SLIT3: variants seen among roughly 807,000 people sequenced by gnomAD.
The protein encoded by SLIT3 is slit guidance ligand 3.
A neutral mutation model predicts 184.0 loss-of-function variants in SLIT3; 68 were observed. That is an observed-to-expected ratio of 0.37 (90% CI 0.30 to 0.45). The LOEUF (loss-of-function observed/expected upper bound fraction) is 0.45. Ranked by LOEUF, SLIT3 falls within the 20% of genes least tolerant of loss-of-function variation. The pLI is 1.00. For missense variants in SLIT3, 1,707 were observed against 2,026.0 expected, an observed-to-expected ratio of 0.84 and a Z score of 3.02; for synonymous variants, 831 against 828.6, an observed-to-expected ratio of 1.00 and a Z score of -0.05.
intron 4 of SLIT3, among the ~76,000 whole-genome samples, chr5:168,963,610 T>A (rs1159075537): frequency 1.3e-5 from 2 of 152,248 alleles, no homozygotes; most frequent in African/African-American, 4.8e-5. Context: ...GACCCCTGGA[T>A]TAGACTGTCA....
chr5:168,698,419 A>C (rs1178314122), intron 27 of SLIT3, among the ~76,000 whole-genome samples: 1 of 152,156 alleles, frequency 6.6e-6, no homozygotes, highest in Non-Finnish European at 1.5e-5. Context: ...ACTGGTGACT[A>C]TGCAGGCAGA....
chr5:168,692,827 C>T (rs1355724147), intron 28 of SLIT3, 127 bp from the exon 29 acceptor site: 1 of 650,274 alleles, frequency 1.5e-6, no homozygotes, highest in Non-Finnish European at 2.7e-6. Flanking sequence ...GTCAGGTGGG[C>T]ATGGACGTCA....
chr5:169,046,051 C>T (rs17734581), intron 4 of SLIT3, among the ~76,000 whole-genome samples: 5 of 151,982 alleles, frequency 3.3e-5, no homozygotes, highest in Non-Finnish European at 7.4e-5. Context: ...ACAGACTGAA[C>T]AGGGAAGCCA....
At chr5:168,762,025 C>A (rs1456216527) in intron 15 of SLIT3, among the ~76,000 whole-genome samples, 5 of 150,828 alleles carry the variant, frequency 3.3e-5, no homozygotes, top group Admixed American at 3.3e-4. Context: ...CTCCCCCTGG[C>A]CTCCCAAAGT....
At chr5:168,907,863 T>A (rs1321467577) in intron 4 of SLIT3, among the ~76,000 whole-genome samples, 2 of 148,220 alleles carry the variant, frequency 1.3e-5, no homozygotes, top group Non-Finnish European at 3.0e-5. Context: ...TATATCTATA[T>A]CTATAGATAC....
At chr5:169,157,736 G>A (rs908167654) in intron 4 of SLIT3, among the ~76,000 whole-genome samples, 13 of 152,112 alleles carry the variant, frequency 8.5e-5, no homozygotes, top group Admixed American at 5.9e-4. Context: ...CCACTGATTT[G>A]GATTTTAAAA....
intron 15 of SLIT3, among the ~76,000 whole-genome samples, 155 bp downstream of exon 15, chr5:168,762,384 G>A (rs1755187568): frequency 6.6e-6 from 1 of 152,160 alleles, no homozygotes; most frequent in Admixed American, 6.5e-5. Flanking sequence ...GGAGATGCCT[G>A]GGTATCTACC....
intron 4 of SLIT3, among the ~76,000 whole-genome samples, chr5:168,982,280 CA>C (rs1456088997): frequency 1.3e-5 from 2 of 152,132 alleles, no homozygotes; most frequent in African/African-American, 4.8e-5. Flanking sequence ...AATACATTAA[CA>C]GGTTATCATA....
intron 4 of SLIT3, among the ~76,000 whole-genome samples, chr5:169,174,608 G>A (rs1762916695): frequency 6.6e-6 from 1 of 152,176 alleles, no homozygotes; most frequent in African/African-American, 2.4e-5. Flanking sequence ...AATTGAGGAT[G>A]CTGGAGAAAG....
In SLIT3 at chr5:169,173,026, C is replaced by T. The variant is rs900317355; in HGVS notation, c.413+20453G>A. Among the ~76,000 whole-genome samples, 29 of 152,202 alleles carry T rather than the reference C, an allele frequency of 1.9e-4. No individual in the cohort carries two copies. The East Asian group carries it at 3.7e-3, about 19-fold the overall frequency. The stretch of plus-strand genomic sequence containing the variant: ...CCTGTAATCCCAGCACTTTGAAAGG[C>T]GCAGAGGGGTGGATACCTTGAGGTC... On this transcript the variant is annotated intron_variant, in intron 4 of 35. Transcript: ENST00000519560.
intron 6 of SLIT3, among the ~76,000 whole-genome samples, chr5:168,837,612 G>A (rs1304702752): frequency 1.3e-5 from 2 of 152,184 alleles, no homozygotes; most frequent in Non-Finnish European, 2.9e-5. Flanking sequence ...GGTGTTGTGG[G>A]CTTCAATTCA....
chr5:168,692,533 A>C, intron 29 of SLIT3, 74 bp downstream of exon 29: 1 of 927,188 alleles, frequency 1.1e-6, no homozygotes. Flanking sequence ...GAGACCAGAG[A>C]CTGCCTAAAA....
chr5:169,161,474 G>A (rs533066010), intron 4 of SLIT3, among the ~76,000 whole-genome samples: 5 of 152,078 alleles, frequency 3.3e-5, no homozygotes, highest in African/African-American at 9.7e-5. Flanking sequence ...TTACTGACCC[G>A]CATCCTGCCG....
chr5:169,045,097 A>C (rs1757583627), intron 4 of SLIT3, among the ~76,000 whole-genome samples: 1 of 152,202 alleles, frequency 6.6e-6, no homozygotes, highest in Non-Finnish European at 1.5e-5. Context: ...ATTCAGCAGC[A>C]GTGGGGGATT....
intron 4 of SLIT3, among the ~76,000 whole-genome samples, chr5:169,101,846 G>A (rs182812988): frequency 3.0e-4 from 46 of 152,080 alleles, no homozygotes; most frequent in African/African-American, 1.1e-3. Context: ...TTTCTCCACC[G>A]GTCTAACTTT....
chr5:169,154,496 G>A (rs1367342126), intron 4 of SLIT3, among the ~76,000 whole-genome samples: 2 of 152,218 alleles, frequency 1.3e-5, no homozygotes, highest in African/African-American at 4.8e-5. Context: ...TCTCATTGCT[G>A]AGAACAAGGC....
At chr5:169,171,710 C>T (rs1018829973) in intron 4 of SLIT3, among the ~76,000 whole-genome samples, 14 of 152,198 alleles carry the variant, frequency 9.2e-5, no homozygotes, top group African/African-American at 3.1e-4. Context: ...ATATTCATTG[C>T]TTTGGAGAAG....
intron 4 of SLIT3, among the ~76,000 whole-genome samples, chr5:169,098,862 A>G (rs295999): frequency 0.67 from 101,853 of 151,944 alleles, 34,402 homozygotes; most frequent in Non-Finnish European, 0.7. Context: ...AGCCGGAGGA[A>G]TTCTACTGAT....
chr5:168,686,303 C>T (rs1259936678), intron 30 of SLIT3, among the ~76,000 whole-genome samples: 3 of 152,072 alleles, frequency 2.0e-5, no homozygotes, highest in African/African-American at 7.2e-5. Flanking sequence ...ATCAGAATTG[C>T]CTGGGGGTGA....
Sources: gnomAD v4.1 joint callset for allele counts (sites outside exome capture counted in the v4.1 genomes callset) on GRCh38, gnomAD v4.1.1 for gene constraint, MANE v1.5 for transcripts, NCBI Gene and HGNC (gene_info 2026-07-23, HGNC 2026-07-21) for gene names.